The following ZNF362 variants were observed in gnomAD, a reference collection of about 807,000 sequenced individuals.
ZNF362 encodes rotund homolog.
ZNF362 carries 11 observed loss-of-function variants against 42.9 expected under a neutral mutation model. That is an observed-to-expected ratio of 0.26 (90% CI 0.16 to 0.42). ZNF362 has a LOEUF of 0.42. Among genes scored for constraint, ZNF362 ranks in the 20% least tolerant of loss-of-function variants. The pLI, the probability that ZNF362 is intolerant of heterozygous loss-of-function variation, is 1.00. For synonymous variants in ZNF362, 255 were observed against 257.3 expected (o/e 0.99, Z 0.09); for missense variants, 362 against 576.2 (o/e 0.63, Z 3.81).
At chr1:33,129,953 G>A in the ZNF362 span, among the ~76,000 whole-genome samples, 1 of 152,070 alleles carries the variant, frequency 6.6e-6, no homozygotes, top group Non-Finnish European at 1.5e-5. This position sits in a 1 kb window ranked among gnomAD's most constrained non-coding sequence, Gnocchi z 4.1. Flanking sequence ...TCTGCCTCCC[G>A]GGTTCAAGCG....
the ZNF362 span, among the ~76,000 whole-genome samples, chr1:33,206,969 A>C: frequency 6.6e-6 from 1 of 152,174 alleles, no homozygotes; most frequent in Non-Finnish European, 1.5e-5. Flanking sequence ...ATAAAATTAT[A>C]CTTTAAGTTC....
intron 1 of ZNF362, among the ~76,000 whole-genome samples, 189 bp downstream of exon 1, chr1:33,256,843 C>CGGT (rs1434681464): frequency 6.8e-6 from 1 of 147,988 alleles, no homozygotes; most frequent in African/African-American, 2.4e-5. Context: ...GCGGCGGCGG[C>CGGT]GGCAGCGGGG....
the ZNF362 span, among the ~76,000 whole-genome samples, chr1:33,175,812 T>C: frequency 6.6e-6 from 1 of 152,206 alleles, no homozygotes; most frequent in Non-Finnish European, 1.5e-5. Context: ...TGGCACACAG[T>C]AAGTGCCCCA....
At chr1:33,128,203 C>CAAAA in the ZNF362 span, among the ~76,000 whole-genome samples, 1 of 83,686 alleles carries the variant, frequency 1.2e-5, no homozygotes, top group African/African-American at 4.3e-5. Context: ...CCCACCTCTC[C>CAAAA]AAAAAAAAAA....
chr1:33,276,276 G>A (rs1645945671), intron 3 of ZNF362, 72 bp from the exon 4 acceptor site: 1 of 1,556,360 alleles, frequency 6.4e-7, no homozygotes, highest in Non-Finnish European at 8.7e-7. Context: ...GGGCTCGCGG[G>A]TGGACCAGCG....
chr1:33,211,713 C>T, the ZNF362 span, among the ~76,000 whole-genome samples: 2 of 151,940 alleles, frequency 1.3e-5, no homozygotes, highest in African/African-American at 4.8e-5. Flanking sequence ...TTATGTGTCT[C>T]GGGGTTGCTC....
intron 4 of ZNF362, among the ~76,000 whole-genome samples, chr1:33,279,388 T>A (rs1026653179): frequency 1.3e-5 from 2 of 152,182 alleles, no homozygotes; most frequent in African/African-American, 2.4e-5. Flanking sequence ...TCATTAAGGC[T>A]TTGCAAATGT....
At chr1:33,147,602 C>T in the ZNF362 span, 122 of 1,614,130 alleles carry the variant, frequency 7.6e-5, no homozygotes, top group Non-Finnish European at 9.2e-5. This position sits in a 1 kb window ranked among gnomAD's most constrained non-coding sequence, Gnocchi z 8.1. Flanking sequence ...ACCTCCACAT[C>T]GAAGCGCTTT....
chr1:33,133,563 AGG>A, the ZNF362 span, among the ~76,000 whole-genome samples: 97 of 152,330 alleles, frequency 6.4e-4, no homozygotes, highest in South Asian at 9.7e-3. Flanking sequence ...TGAGGAGAGC[AGG>A]GCCGGGATGG....
chr1:33,178,150 C>T, the ZNF362 span, among the ~76,000 whole-genome samples: 1,284 of 152,316 alleles, frequency 8.4e-3, 18 homozygotes, highest in African/African-American at 0.03. Flanking sequence ...AAGTTCCCTT[C>T]CTCCCTCTCC....
the ZNF362 span, chr1:33,181,019 G>A: frequency 6.3e-7 from 1 of 1,579,596 alleles, no homozygotes; most frequent in African/African-American, 1.4e-5. This position sits in a 1 kb window ranked among gnomAD's most constrained non-coding sequence, Gnocchi z 6.5. Context: ...AGGCCGGGTA[G>A]CGCACCTGCA....
the ZNF362 span, among the ~76,000 whole-genome samples, chr1:33,169,151 T>A: frequency 6.6e-6 from 1 of 152,140 alleles, no homozygotes; most frequent in African/African-American, 2.4e-5. Context: ...GGTGTGCATG[T>A]GTTGGGGTGA....
At chr1:33,214,693 T>C in the ZNF362 span, among the ~76,000 whole-genome samples, 5 of 152,180 alleles carry the variant, frequency 3.3e-5, no homozygotes, top group South Asian at 2.1e-4. Flanking sequence ...AAGATCCAAA[T>C]AGATATTTCT....
chr1:33,265,973 C>G (rs1003165565), intron 1 of ZNF362, among the ~76,000 whole-genome samples: 2 of 152,206 alleles, frequency 1.3e-5, no homozygotes, highest in African/African-American at 4.8e-5. Flanking sequence ...CAGTTCTTTC[C>G]ACCTGCCATA....
intron 6 of ZNF362, among the ~76,000 whole-genome samples, chr1:33,283,220 T>C (rs535620370): frequency 1.4e-4 from 22 of 152,306 alleles, no homozygotes; most frequent in African/African-American, 5.1e-4. Context: ...CTCTGCCTCC[T>C]CAGCTTCCCA....
chr1:33,201,272 A>C, the ZNF362 span, among the ~76,000 whole-genome samples: 1 of 152,346 alleles, frequency 6.6e-6, no homozygotes, highest in Non-Finnish European at 1.5e-5. Flanking sequence ...GGAGTTGAAC[A>C]ATACTGTCAG....
Position 33,294,884 on chromosome 1 carries a change from C to T in ZNF362, c.909-53C>T, listed in dbSNP as rs372519891. 2.7e-4 allele frequency: 435 copies of T among 1,595,208 alleles called. 1 individual carries two copies. Among genetic ancestry groups the T allele is most frequent in the Admixed American group, 8.5e-4 (51 of 59,880 alleles). On this transcript the variant is annotated intron_variant, in intron 6 of 8. Transcript: ENST00000539719. The surrounding 1 kb of genome is among the most constrained non-coding windows in gnomAD (Gnocchi z 4.2). ...CAGAGTAAGGACTTGGGAACTGGAG[C>T]GGTCTTGGGGTGTGTGTCAGGGACT...
At chr1:33,285,447 G>T (rs142103448) in intron 6 of ZNF362, among the ~76,000 whole-genome samples, 16 of 152,070 alleles carry the variant, frequency 1.1e-4, no homozygotes, top group African/African-American at 3.9e-4. Context: ...GGCAGCAAGC[G>T]CACTGGCCCA....
the ZNF362 span, among the ~76,000 whole-genome samples, chr1:33,200,959 C>T: frequency 2.0e-5 from 3 of 152,180 alleles, no homozygotes; most frequent in African/African-American, 7.2e-5. Flanking sequence ...TGTGAAGACA[C>T]AGGGAGAAGA....
Sources: gnomAD v4.1 joint callset for allele counts (sites outside exome capture counted in the v4.1 genomes callset) on GRCh38, gnomAD v4.1.1 for gene constraint, Gnocchi (gnomAD v3.1) non-coding constraint, MANE v1.5 for transcripts, NCBI Gene and HGNC (gene_info 2026-07-23, HGNC 2026-07-21) for gene names.